The following ADAM12 variants were observed in gnomAD, a reference collection of about 807,000 sequenced individuals.
ADAM12 encodes the protein disintegrin and metalloproteinase domain-containing protein 12.
A neutral mutation model predicts 106.4 loss-of-function variants in ADAM12; 70 were observed. That is an observed-to-expected ratio of 0.66 (90% CI 0.54 to 0.80). The LOEUF (loss-of-function observed/expected upper bound fraction) is 0.80. Ranked by LOEUF, ADAM12 falls within the 30% of genes least tolerant of loss-of-function variation. The pLI is 0.00. For missense variants in ADAM12, 1,010 were observed against 1,171.9 expected (o/e 0.86, Z 2.02); for synonymous variants, 420 against 433.5 (o/e 0.97, Z 0.39).
At chr10:126,077,886 T>G (rs552027451) in intron 11 of ADAM12, among the ~76,000 whole-genome samples, 1 of 152,300 alleles carries the variant, frequency 6.6e-6, no homozygotes, top group East Asian at 1.9e-4. Flanking sequence ...TGCTCTAAGA[T>G]AGTCTCATTT....
intron 14 of ADAM12, among the ~76,000 whole-genome samples, chr10:126,061,661 G>A (rs1954757513): frequency 6.6e-6 from 1 of 152,156 alleles, no homozygotes; most frequent in Non-Finnish European, 1.5e-5. Context: ...AAGTCGGAGA[G>A]GGACAGAGAC....
chr10:126,333,509 C>T (rs973128134), intron 1 of ADAM12, among the ~76,000 whole-genome samples: 11 of 152,152 alleles, frequency 7.2e-5, no homozygotes, highest in Non-Finnish European at 1.3e-4. Flanking sequence ...GTCTTCTAGT[C>T]GAACTGTTTG....
chr10:126,028,337 A>G (rs965857448), intron 21 of ADAM12, among the ~76,000 whole-genome samples: 4 of 152,252 alleles, frequency 2.6e-5, no homozygotes, highest in Non-Finnish European at 5.9e-5. Flanking sequence ...ATGGAACCCC[A>G]AAAGAGCCCA....
intron 3 of ADAM12, among the ~76,000 whole-genome samples, chr10:126,166,384 G>T (rs1957023411): frequency 6.6e-6 from 1 of 151,802 alleles, no homozygotes. Context: ...TCTCCAGCTG[G>T]CATGAGACTC....
At chr10:126,113,737 A>G (rs1955928602) in intron 6 of ADAM12, among the ~76,000 whole-genome samples, 1 of 102,466 alleles carries the variant, frequency 9.8e-6, no homozygotes, top group South Asian at 3.8e-4. Context: ...TATATAATAT[A>G]TTGCTCTGGC....
chr10:126,110,416 G>A (rs963481966), intron 6 of ADAM12, among the ~76,000 whole-genome samples: 4 of 152,110 alleles, frequency 2.6e-5, no homozygotes, highest in East Asian at 1.9e-4. Context: ...ATGGAAGACC[G>A]GGGTGGTCTG....
At chr10:126,102,722 A>C (rs1378461159) in intron 8 of ADAM12, among the ~76,000 whole-genome samples, 1 of 152,270 alleles carries the variant, frequency 6.6e-6, no homozygotes, top group African/African-American at 2.4e-5. Flanking sequence ...AGACGATTAC[A>C]TGACTACAAC....
chr10:126,149,302 A>G lies in ADAM12; in HGVS notation c.339+5925T>C, dbSNP rs114452193. Among the ~76,000 whole-genome samples, 769 of 152,336 alleles carry G rather than the reference A, an allele frequency of 5.0e-3. 7 individuals are homozygous for G. Among genetic ancestry groups the G allele is most frequent in the African/African-American group, 0.017 (699 of 41,572 alleles). Reference sequence around the variant, plus strand: ...TGTTTACTAAGATGCCTGGATATGTAGACTTCAGCTTTTGCAATCCAAGTC... The same window carrying G: ...TGTTTACTAAGATGCCTGGATATGTGGACTTCAGCTTTTGCAATCCAAGTC... On this transcript the variant is annotated intron_variant, in intron 4 of 22. Transcript: ENST00000448723.
chr10:126,038,480 A>C, intron 19 of ADAM12, 131 bp from the exon 20 acceptor site: 1 of 627,256 alleles, frequency 1.6e-6, no homozygotes, highest in Non-Finnish European at 2.7e-6. Flanking sequence ...TGCAAAGGAA[A>C]AATTACCTAA....
intron 4 of ADAM12, among the ~76,000 whole-genome samples, chr10:126,147,325 C>A (rs1418628782): frequency 6.6e-6 from 1 of 152,180 alleles, no homozygotes; most frequent in Non-Finnish European, 1.5e-5. Flanking sequence ...ACAAGAGGCC[C>A]CTGCCTGACC....
At chr10:126,330,625 A>C in intron 1 of ADAM12, 116 bp from the exon 2 acceptor site, 6 of 861,492 alleles carry the variant, frequency 7.0e-6, no homozygotes, top group Non-Finnish European at 1.1e-5. Context: ...AAGCCCAGGG[A>C]AACACTAGAA....
chr10:126,181,618 T>C (rs997382864), intron 3 of ADAM12, among the ~76,000 whole-genome samples: 1 of 152,122 alleles, frequency 6.6e-6, no homozygotes, highest in Non-Finnish European at 1.5e-5. Flanking sequence ...AGGTGCCGTC[T>C]TGGGCAGTGA....
chr10:126,211,122 G>A (rs1032388029), intron 3 of ADAM12, among the ~76,000 whole-genome samples: 5 of 152,212 alleles, frequency 3.3e-5, no homozygotes, highest in South Asian at 2.1e-4. Flanking sequence ...AGCTGCTCTC[G>A]CCATTTGCAA....
intron 3 of ADAM12, among the ~76,000 whole-genome samples, chr10:126,209,160 A>T (rs1957853811): frequency 6.6e-6 from 1 of 152,228 alleles, no homozygotes; most frequent in Admixed American, 6.5e-5. Flanking sequence ...CATAGGAGGG[A>T]TATTTTCATC....
At chr10:126,347,482 A>T (rs989223084) in intron 1 of ADAM12, among the ~76,000 whole-genome samples, 4 of 152,148 alleles carry the variant, frequency 2.6e-5, no homozygotes, top group African/African-American at 9.7e-5. Context: ...ACTTTGGTGA[A>T]TCTGACAATT....
chr10:126,302,120 A>C (rs946959204), intron 2 of ADAM12, among the ~76,000 whole-genome samples: 13 of 152,176 alleles, frequency 8.5e-5, no homozygotes, highest in Non-Finnish European at 1.6e-4. Context: ...CTGATGCTTA[A>C]ATCAAATAAT....
At chr10:126,232,100 C>T (rs1958323995) in intron 3 of ADAM12, among the ~76,000 whole-genome samples, 1 of 152,126 alleles carries the variant, frequency 6.6e-6, no homozygotes. Context: ...CATTCTAATT[C>T]CTGGAACCTG....
chr10:126,055,455 G>C (rs188405264), intron 14 of ADAM12, among the ~76,000 whole-genome samples: 5 of 152,344 alleles, frequency 3.3e-5, no homozygotes, highest in African/African-American at 7.2e-5. Context: ...TGTAATTAAA[G>C]TATGGTGCTG....
chr10:126,331,363 C>A (rs1854505356), intron 1 of ADAM12, among the ~76,000 whole-genome samples: 1 of 152,164 alleles, frequency 6.6e-6, no homozygotes, highest in South Asian at 2.1e-4. Context: ...AAGCAGGACT[C>A]ATAATTTTCA....
Sources: allele counts gnomAD v4.1 joint callset (sites outside exome capture counted in the v4.1 genomes callset), GRCh38; gene constraint gnomAD v4.1.1; transcripts MANE v1.5; gene names NCBI Gene and HGNC (gene_info 2026-07-23, HGNC 2026-07-21).